The following RPF1 variants were observed in gnomAD, a reference collection of about 807,000 sequenced individuals.
RPF1 encodes ribosome production factor 1 homolog, also known as ribosome production factor 1.
In RPF1, 34 loss-of-function variants were observed where a neutral mutation model predicts 41.9. The ratio of observed to expected loss-of-function variants is 0.81; its 90% CI spans 0.62 to 1.08. RPF1 has a LOEUF of 1.08. RPF1 is among the 50% of genes least tolerant of loss of function. RPF1 has a pLI of 0.00. For synonymous variants in RPF1, 140 were observed against 148.9 expected (o/e 0.94, Z 0.43); for missense variants, 425 against 435.2 (o/e 0.98, Z 0.21).
At chr1:84,479,621 C>T in intron 1 of RPF1, 112 bp downstream of exon 1, 1 of 1,036,256 alleles carries the variant, frequency 9.7e-7, no homozygotes, top group South Asian at 1.6e-5. Context: ...TTCTCTGTGG[C>T]TCCGTGGGAA....
chr1:84,488,721 ACTTATT>A (rs1428509386), intron 3 of RPF1, among the ~76,000 whole-genome samples: 2 of 152,102 alleles, frequency 1.3e-5, no homozygotes, highest in Admixed American at 6.5e-5. Context: ...AGTAAATTTT[ACTTATT>A]CTTATGATTT....
At chr1:84,487,989 A>G (rs1002048540) in intron 3 of RPF1, among the ~76,000 whole-genome samples, 3 of 152,078 alleles carry the variant, frequency 2.0e-5, no homozygotes, top group Non-Finnish European at 4.4e-5. Flanking sequence ...ATATATATCA[A>G]ATATCTATAT....
Position 84,495,420 on chromosome 1 carries a change from A to T in RPF1, c.664A>T (p.Lys222Ter). 6.6e-7 allele frequency: 1 copy of T among 1,524,548 alleles called. No homozygotes were observed. Among genetic ancestry groups the T allele is most frequent in the Non-Finnish European group, 9.0e-7 (1 of 1,113,252 alleles). The allele number at this position is 1,524,548 out of a possible 1,614,324, so 94.4% of individuals were successfully genotyped here. The change falls in exon 6 of 9, where the codon AAA (lysine) becomes TAA (stop). Residue 222 changes from lysine to a stop codon, truncating the protein, a stop_gained. Coordinates refer to ENST00000370654, the MANE Select transcript of RPF1 (RefSeq NM_025065.7). LOFTEE classifies it high-confidence loss of function. ...HLPNGPTAHFKMSSVRLRKEI... is the reference protein window; with the variant it reads ...HLPNGPTAHF ...GCCAAATGGCCCAACTGCTCATTTT[A>T]AAATGAGCAGTGTTCGTCTTCGTAA...
chr1:84,486,918 T>G (rs770467049), intron 3 of RPF1, among the ~76,000 whole-genome samples: 2 of 152,076 alleles, frequency 1.3e-5, no homozygotes, highest in Non-Finnish European at 2.9e-5. Context: ...ACTGAGCAAA[T>G]TAGAAGGATG....
rs1231824962 is a variant in RPF1, at chr1:84,482,918, C to T, written c.289C>T (p.Pro97Ser). 11 of 1,600,748 alleles carry T rather than the reference C, an allele frequency of 6.9e-6. 1 individual carries two copies. Among genetic ancestry groups the T allele is most frequent in the African/African-American group, 1.3e-5 (1 of 74,614 alleles). Residue 97 changes from proline to serine, a missense_variant, in exon 3 of 9, where the codon CCA becomes TCA. Physicochemically the swap from Pro to Ser is moderately conservative, Grantham distance 74 (BLOSUM62 -1). Coordinates refer to ENST00000370654, the MANE Select transcript of RPF1 (RefSeq NM_025065.7). ...TAATCCCTTCTCTTTTACTTAGGCT[C>T]CACCAAAGCCTGTACCCAAGACCAT... ...KEREALGDKA[P>S]PKPVPKTIDN...
At chr1:84,495,778 A>G (rs568246604) in intron 6 of RPF1, 104 bp from the exon 7 acceptor site, 9 of 713,866 alleles carry the variant, frequency 1.3e-5, no homozygotes, top group African/African-American at 1.3e-4. Context: ...TAAAAAATAC[A>G]TTTTGCAAAT....
chr1:84,494,383 G>C (rs1681891422), intron 5 of RPF1, among the ~76,000 whole-genome samples: 1 of 152,194 alleles, frequency 6.6e-6, no homozygotes, highest in South Asian at 2.1e-4. Context: ...CATCTGCTTT[G>C]AAAGATACAT....
At chr1:84,497,402 C>T (rs1681961674) in intron 8 of RPF1, 27 bp from the exon 9 acceptor site, 2 of 1,596,552 alleles carry the variant, frequency 1.3e-6, no homozygotes, top group African/African-American at 1.3e-5. Context: ...TGTTTTCTTC[C>T]TCCACTCCCT....
Position 84,498,336 on chromosome 1 carries a change from C to G in RPF1, c.*866C>G, listed in dbSNP as rs988609838. 6.6e-6 allele frequency: 1 copy of G among 152,562 alleles called. No individual in the cohort carries two copies. The highest frequency in any genetic ancestry group is 6.5e-5 in the Admixed American group (1 of 15,268). The allele number at this position is 152,562 out of a possible 1,614,324, so 9.5% of individuals were successfully genotyped here. On this transcript the variant is annotated 3_prime_UTR_variant, in exon 9 of 9. Transcript: ENST00000370654. ...AATAATGCAAAATAAAAGTTTCATACTAAGTTTTATTGTATGCTGCTGCCA... is the reference window on the plus strand; with the variant it reads ...AATAATGCAAAATAAAAGTTTCATAGTAAGTTTTATTGTATGCTGCTGCCA...
At chr1:84,483,079 G>C in intron 3 of RPF1, 84 bp downstream of exon 3, 1 of 863,902 alleles carries the variant, frequency 1.2e-6, no homozygotes, top group South Asian at 1.6e-5. Context: ...TTAAAGTGCT[G>C]GCTGGCCAAG....
intron 2 of RPF1, among the ~76,000 whole-genome samples, chr1:84,482,712 G>A (rs1042656060): frequency 1.4e-5 from 2 of 146,584 alleles, no homozygotes; most frequent in Non-Finnish European, 1.5e-5. Context: ...TCTAGTATGT[G>A]TGTGTCTCTG....
chr1:84,495,847 C>T, intron 6 of RPF1, 35 bp from the exon 7 acceptor site: 4 of 1,375,830 alleles, frequency 2.9e-6, no homozygotes, highest in African/African-American at 1.4e-5. Context: ...ATTAGCTTAG[C>T]CCATTGTGAT....
intron 1 of RPF1, among the ~76,000 whole-genome samples, chr1:84,479,820 G>C (rs1269651748): frequency 4.6e-5 from 7 of 152,194 alleles, no homozygotes; most frequent in Admixed American, 4.6e-4. Context: ...GGCCCAGAAG[G>C]CAAAAGTCTC....
intron 1 of RPF1, among the ~76,000 whole-genome samples, chr1:84,480,437 A>G (rs1681622969): frequency 6.6e-6 from 1 of 152,242 alleles, no homozygotes; most frequent in African/African-American, 2.4e-5. Flanking sequence ...AATACAGATA[A>G]TCTTAAGCCA....
At position 84,489,698 on chromosome 1, in the gene RPF1, T is replaced by G. The variant is rs1681798757; in HGVS notation, c.432T>G (p.Ile144Met). 2 of 1,605,604 alleles carry G rather than the reference T, an allele frequency of 1.2e-6. No homozygotes were observed. The highest frequency in any genetic ancestry group is 1.7e-6 in the Non-Finnish European group (2 of 1,172,332). The change falls in exon 4 of 9, where the codon ATT (isoleucine) becomes ATG (methionine). Residue 144 changes from isoleucine (I) to methionine (M), a missense_variant. Coordinates refer to ENST00000370654, the MANE Select transcript of RPF1 (RefSeq NM_025065.7). ...TCAACAAACAGACTTCTCCCAAGATTCTCATCACAACATCAGATAGACCTC... is the reference window on the plus strand; with the variant it reads ...TCAACAAACAGACTTCTCCCAAGATGCTCATCACAACATCAGATAGACCTC... ...SYFNKQTSPK[I>M]LITTSDRPHG...
intron 5 of RPF1, 69 bp from the exon 6 acceptor site, chr1:84,495,304 G>T: frequency 1.3e-6 from 1 of 785,574 alleles, no homozygotes. Context: ...GGATGTAGAG[G>T]ACCAGTTATT....
intron 8 of RPF1, 71 bp from the exon 9 acceptor site, chr1:84,497,356 ACT>A (rs1483390643): frequency 6.9e-6 from 9 of 1,296,356 alleles, no homozygotes; most frequent in Non-Finnish European, 9.9e-6. Flanking sequence ...GTTAACTTTT[ACT>A]GTCTTACCTG....
chr1:84,486,275 C>T (rs1681734188), intron 3 of RPF1, among the ~76,000 whole-genome samples: 1 of 151,986 alleles, frequency 6.6e-6, no homozygotes, highest in Non-Finnish European at 1.5e-5. Context: ...AATGAAGAGC[C>T]ACTGGGTGGG....
intron 5 of RPF1, among the ~76,000 whole-genome samples, chr1:84,492,813 C>T (rs1681859510): frequency 6.6e-6 from 1 of 152,172 alleles, no homozygotes; most frequent in African/African-American, 2.4e-5. Flanking sequence ...ATGCCAGTAA[C>T]ACCTCAGTCA....
Sources: gnomAD v4.1 joint callset for allele counts (sites outside exome capture counted in the v4.1 genomes callset) on GRCh38, gnomAD v4.1.1 for gene constraint, MANE v1.5 for transcripts, NCBI Gene and HGNC (gene_info 2026-07-23, HGNC 2026-07-21) for gene names.